ERBB4: variants seen among roughly 807,000 people sequenced by gnomAD.
ERBB4 encodes the protein erb-b2 receptor tyrosine kinase 4, also known as receptor tyrosine-protein kinase erbB-4.
ERBB4 carries 42 observed loss-of-function variants against 158.0 expected under a neutral mutation model. That is an observed-to-expected ratio of 0.27 (90% CI 0.21 to 0.34). The LOEUF (loss-of-function observed/expected upper bound fraction) is 0.34. Among genes scored for constraint, ERBB4 ranks in the 10% least tolerant of loss-of-function variants. The pLI is 1.00. For missense variants in ERBB4, 1,333 were observed against 1,624.1 expected (o/e 0.82, Z 3.08); for synonymous variants, 583 against 558.7 (o/e 1.04, Z -0.61).
At chr2:212,498,979 C>CA (rs1411731526) in intron 1 of ERBB4, among the ~76,000 whole-genome samples, 2 of 152,012 alleles carry the variant, frequency 1.3e-5, no homozygotes, top group African/African-American at 4.8e-5. Context: ...AAATAACCCA[C>CA]AGCAGGGTCA....
intron 20 of ERBB4, among the ~76,000 whole-genome samples, chr2:211,442,556 C>T (rs1417384908): frequency 6.6e-6 from 1 of 151,950 alleles, no homozygotes. Flanking sequence ...TGCTATATAA[C>T]AAATTACCCA....
intron 1 of ERBB4, among the ~76,000 whole-genome samples, chr2:212,534,592 G>A (rs528277459): frequency 6.6e-6 from 1 of 152,304 alleles, no homozygotes; most frequent in East Asian, 1.9e-4. Context: ...GACTCCTGCA[G>A]TGGCTGAGTG....
chr2:212,358,502 T>A (rs1393756594), intron 1 of ERBB4, among the ~76,000 whole-genome samples: 1 of 151,838 alleles, frequency 6.6e-6, no homozygotes, highest in Non-Finnish European at 1.5e-5. Context: ...GGGAGTAAAT[T>A]CTTATTCCTT....
At chr2:211,842,028 C>T (rs1000717756) in intron 3 of ERBB4, among the ~76,000 whole-genome samples, 1 of 151,962 alleles carries the variant, frequency 6.6e-6, no homozygotes, top group Non-Finnish European at 1.5e-5. Flanking sequence ...ATTTACAATT[C>T]TGTCCCAAAT....
intron 19 of ERBB4, among the ~76,000 whole-genome samples, chr2:211,605,989 A>AAAGAT (rs977559829): frequency 1.3e-5 from 2 of 152,022 alleles, no homozygotes; most frequent in African/African-American, 4.8e-5. Context: ...ATTCTCTTTA[A>AAAGAT]AAGATTAAAA....
At chr2:211,544,050 A>C (rs945217799) in intron 20 of ERBB4, among the ~76,000 whole-genome samples, 3 of 151,946 alleles carry the variant, frequency 2.0e-5, no homozygotes, top group African/African-American at 4.8e-5. Flanking sequence ...ATTTTGATAT[A>C]ATGATAATCC....
intron 3 of ERBB4, among the ~76,000 whole-genome samples, chr2:211,852,806 G>T (rs73071332): frequency 0.033 from 5,065 of 151,884 alleles, 327 homozygotes; most frequent in African/African-American, 0.12. Context: ...TGCTGCAAAA[G>T]ATTCAGCTTT....
intron 3 of ERBB4, among the ~76,000 whole-genome samples, chr2:211,946,729 A>G (rs1333780312): frequency 6.6e-6 from 1 of 151,736 alleles, no homozygotes; most frequent in Non-Finnish European, 1.5e-5. Flanking sequence ...TATACCAAAA[A>G]GCCTCCCACA....
chr2:212,261,771 C>CA (rs1226922737), intron 1 of ERBB4, among the ~76,000 whole-genome samples: 5 of 151,828 alleles, frequency 3.3e-5, no homozygotes, highest in Non-Finnish European at 7.4e-5. Context: ...AAAAAATTAT[C>CA]AAAAAACAAT....
chr2:211,874,075 G>A (rs1305889504), intron 3 of ERBB4, among the ~76,000 whole-genome samples: 1 of 152,062 alleles, frequency 6.6e-6, no homozygotes. Flanking sequence ...TTAGGCGAGA[G>A]AATCACTTGA....
rs111307621 is a variant in ERBB4 at position 211,601,929 on chromosome 2, C to T, written c.2301+17248G>A. 3.7e-3 allele frequency among the ~76,000 whole-genome samples: 560 copies of T among 152,178 alleles called. 4 individuals are homozygous for T. Among genetic ancestry groups the T allele is most frequent in the African/African-American group, 0.013 (520 of 41,508 alleles). ...ATTGTGTCAATTATGAATTCATTAC[C>T]TCTCAACTATAAATATACCTTTCAA... On this transcript the variant is annotated intron_variant, in intron 19 of 27. Transcript: ENST00000342788.
At chr2:212,129,418 T>C (rs1326949986) in intron 1 of ERBB4, among the ~76,000 whole-genome samples, 1 of 151,282 alleles carries the variant, frequency 6.6e-6, no homozygotes, top group East Asian at 1.9e-4. Flanking sequence ...TACAATATTA[T>C]ATCCAATATA....
At chr2:212,033,879 T>C (rs1022695870) in intron 2 of ERBB4, among the ~76,000 whole-genome samples, 3 of 151,964 alleles carry the variant, frequency 2.0e-5, no homozygotes, top group African/African-American at 7.2e-5. Flanking sequence ...GCTGTGAAGA[T>C]TCTATAATGA....
At chr2:211,992,340 G>T (rs2082093125) in intron 2 of ERBB4, among the ~76,000 whole-genome samples, 1 of 151,988 alleles carries the variant, frequency 6.6e-6, no homozygotes, top group Non-Finnish European at 1.5e-5. Flanking sequence ...AGAAACCCCT[G>T]ATAAACCCAT....
intron 19 of ERBB4, among the ~76,000 whole-genome samples, chr2:211,582,944 T>C (rs1038007948): frequency 2.6e-5 from 4 of 152,144 alleles, no homozygotes; most frequent in Non-Finnish European, 4.4e-5. Context: ...CTTGAGAATA[T>C]TTGAGATATC....
At chr2:212,275,636 T>C (rs923559359) in intron 1 of ERBB4, among the ~76,000 whole-genome samples, 1 of 151,806 alleles carries the variant, frequency 6.6e-6, no homozygotes, top group African/African-American at 2.4e-5. Flanking sequence ...CTGAGAGATT[T>C]TGTTACCACC....
At chr2:212,154,305 A>T (rs1180902426) in intron 1 of ERBB4, among the ~76,000 whole-genome samples, 2 of 152,278 alleles carry the variant, frequency 1.3e-5, no homozygotes, top group East Asian at 3.9e-4. Context: ...AACTTTGACC[A>T]TGCCAGCCCT....
rs114058426 is a variant in ERBB4, at chr2:212,341,690, C to A, written c.82+196759G>T. 3.1e-3 allele frequency among the ~76,000 whole-genome samples: 465 copies of A among 152,182 alleles called. 1 individual carries two copies. Among genetic ancestry groups the A allele is most frequent in the African/African-American group, 0.011 (453 of 41,536 alleles). On this transcript the variant is annotated intron_variant, in intron 1 of 27. Transcript: ENST00000342788. Reference sequence around the variant, plus strand: ...ATTAATATAAGGCATTTTGCAATTTCTTTATTTAGTTATTTCAAATTATAT... The same window carrying A: ...ATTAATATAAGGCATTTTGCAATTTATTTATTTAGTTATTTCAAATTATAT...
chr2:212,078,439 C>T (rs995467581), intron 2 of ERBB4, among the ~76,000 whole-genome samples: 5 of 151,436 alleles, frequency 3.3e-5, no homozygotes, highest in Non-Finnish European at 7.4e-5. Flanking sequence ...TATTATTGAA[C>T]AAAAATAAGC....
Sources: allele counts gnomAD v4.1 joint callset (sites outside exome capture counted in the v4.1 genomes callset), GRCh38; gene constraint gnomAD v4.1.1; transcripts MANE v1.5; gene names NCBI Gene and HGNC (gene_info 2026-07-23, HGNC 2026-07-21).